Variants in DNAH14 observed in about 807,000 individuals in gnomAD.
The protein encoded by DNAH14 is dynein axonemal heavy chain 14, also known as axonemal beta dynein heavy chain 14.
DNAH14 carries 478 observed loss-of-function variants against 520.9 expected under a neutral mutation model. That is an observed-to-expected ratio of 0.92 (90% CI 0.85 to 0.99). The LOEUF (loss-of-function observed/expected upper bound fraction) is 0.99, where lower values mean the gene tolerates loss of function less well. Ranked by LOEUF, DNAH14 falls within the 50% of genes least tolerant of loss-of-function variation. DNAH14 has a pLI of 0.00. For synonymous variants in DNAH14, 1,581 were observed against 1,757.2 expected, an observed-to-expected ratio of 0.90 and a Z score of 2.51; for missense variants, 4,831 against 5,234.5, an observed-to-expected ratio of 0.92 and a Z score of 2.38.
Position 225,240,616 on chromosome 1 carries a change from A to T in DNAH14, c.6542A>T (p.Glu2181Val). 6.5e-7 allele frequency: 1 copy of T among 1,550,028 alleles called. No homozygotes were observed. The highest frequency in any genetic ancestry group is 8.7e-7 in the Non-Finnish European group (1 of 1,145,910). The change falls in exon 43 of 86, where the codon GAG becomes GTG. Residue 2181 changes from glutamate (E) to valine (V), a missense_variant. By Grantham distance (121) the Glu-to-Val change is moderately radical. Transcript: ENST00000682510. ...EKRDENTWYP[E>V]KNPDKLTKII... The stretch of plus-strand genomic sequence containing the variant: ...AGGGATGAAAATACATGGTATCCAG[A>T]GAAAAATCCTGATAAATTAACAAAA...
At chr1:225,061,515 A>G (rs2070105049) in intron 17 of DNAH14, among the ~76,000 whole-genome samples, 1 of 152,196 alleles carries the variant, frequency 6.6e-6, no homozygotes, top group Non-Finnish European at 1.5e-5. Flanking sequence ...CGCAGCACCC[A>G]CTGTCCTGCA....
At chr1:225,215,810 C>A (rs999374741) in intron 41 of DNAH14, among the ~76,000 whole-genome samples, 1 of 152,092 alleles carries the variant, frequency 6.6e-6, no homozygotes, top group Non-Finnish European at 1.5e-5. Flanking sequence ...AGATGGGTAT[C>A]CTGAATACAG....
intron 42 of DNAH14, among the ~76,000 whole-genome samples, chr1:225,235,158 T>A (rs1158836451): frequency 6.6e-6 from 1 of 152,192 alleles, no homozygotes; most frequent in Non-Finnish European, 1.5e-5. Context: ...TTTTGCCCAT[T>A]CAGTATGATA....
At chr1:224,966,188 A>G (rs2061158570) in intron 5 of DNAH14, among the ~76,000 whole-genome samples, 1 of 152,048 alleles carries the variant, frequency 6.6e-6, no homozygotes, top group Non-Finnish European at 1.5e-5. Context: ...CTTGTTTTTG[A>G]GGATTTAATA....
chr1:224,993,608 A>G (rs1307324665), intron 8 of DNAH14, among the ~76,000 whole-genome samples: 2 of 150,648 alleles, frequency 1.3e-5, no homozygotes, highest in Non-Finnish European at 3.0e-5. Context: ...AGATTTGTCA[A>G]TTTTATCTTT....
At chr1:224,963,043 A>G (rs1308803422) in intron 4 of DNAH14, among the ~76,000 whole-genome samples, 2 of 152,076 alleles carry the variant, frequency 1.3e-5, no homozygotes, top group African/African-American at 2.4e-5. Flanking sequence ...CAATTCCCTG[A>G]TTACTAATGA....
chr1:225,322,116 T>C (rs1221784689), intron 61 of DNAH14, among the ~76,000 whole-genome samples: 1 of 115,990 alleles, frequency 8.6e-6, no homozygotes, highest in East Asian at 3.2e-4. Context: ...TTTGAGACAG[T>C]GTCTCACTTT....
At chr1:225,390,863 G>T (rs1271337364) in intron 83 of DNAH14, among the ~76,000 whole-genome samples, 1 of 151,934 alleles carries the variant, frequency 6.6e-6, no homozygotes, top group East Asian at 1.9e-4. Context: ...TAAGAAATTT[G>T]CCCCAAGTCA....
chr1:224,980,657 G>A (rs2062198844), intron 8 of DNAH14, among the ~76,000 whole-genome samples: 1 of 152,182 alleles, frequency 6.6e-6, no homozygotes, highest in Non-Finnish European at 1.5e-5. Flanking sequence ...CCAGGTAGTG[G>A]TTACAAGGCT....
chr1:225,343,771 A>C (rs1480367049), intron 69 of DNAH14, among the ~76,000 whole-genome samples: 2 of 139,510 alleles, frequency 1.4e-5, no homozygotes, highest in Non-Finnish European at 3.1e-5. Context: ...AATTACATGG[A>C]CAAGGCTTCT....
chr1:225,177,844 G>A (rs2083497996), intron 36 of DNAH14, among the ~76,000 whole-genome samples: 1 of 152,158 alleles, frequency 6.6e-6, no homozygotes, highest in Non-Finnish European at 1.5e-5. Flanking sequence ...TGGGGTTGAA[G>A]CCCCCACACA....
At chr1:225,360,583 C>A in intron 74 of DNAH14, 98 bp from the exon 75 acceptor site, 3 of 1,168,032 alleles carry the variant, frequency 2.6e-6, no homozygotes, top group Non-Finnish European at 3.6e-6. Context: ...TATGACTATA[C>A]CTTTTCCCAA....
At chr1:225,148,488 G>A (rs1215880715) in intron 31 of DNAH14, among the ~76,000 whole-genome samples, 2 of 134,618 alleles carry the variant, frequency 1.5e-5, no homozygotes, top group Non-Finnish European at 1.5e-5. Flanking sequence ...TGCAGCCTCC[G>A]CCTCCCGGGT....
Position 225,360,476 on chromosome 1 carries a change from G to A in DNAH14, c.11777-205G>A, listed in dbSNP as rs6693605. 5.9e-4 allele frequency among the ~76,000 whole-genome samples: 90 copies of A among 152,314 alleles called. 1 individual carries two copies. Among genetic ancestry groups the A allele is most frequent in the African/African-American group, 1.9e-3 (79 of 41,562 alleles). On this transcript the variant is annotated intron_variant, in intron 74 of 85. Transcript: ENST00000682510. ...AAGACAACCAGCAGGTGCTGCTGTC[G>A]TTAGATATTGTTATCATCCTCGTGT...
chr1:225,219,338 G>C (rs2089790386), intron 41 of DNAH14, among the ~76,000 whole-genome samples: 1 of 151,142 alleles, frequency 6.6e-6, no homozygotes, highest in Admixed American at 6.6e-5. Context: ...GAAGGAAATA[G>C]AGACAGGAGA....
At chr1:225,114,945 C>A (rs559253287) in intron 23 of DNAH14, among the ~76,000 whole-genome samples, 45 of 152,264 alleles carry the variant, frequency 3.0e-4, no homozygotes, top group African/African-American at 1.0e-3. Flanking sequence ...ACTATGAATG[C>A]TTACCTTTGT....
chr1:225,068,312 T>G (rs1382354659), intron 17 of DNAH14, among the ~76,000 whole-genome samples: 2 of 152,174 alleles, frequency 1.3e-5, no homozygotes, highest in African/African-American at 2.4e-5. Context: ...TCTATGTGCC[T>G]TTTCTTGTAC....
At chr1:225,359,750 G>A (rs889054566) in intron 74 of DNAH14, among the ~76,000 whole-genome samples, 6 of 152,160 alleles carry the variant, frequency 3.9e-5, no homozygotes, top group Admixed American at 2.0e-4. Context: ...TCATATTCAC[G>A]TTCCAAACAA....
intron 37 of DNAH14, among the ~76,000 whole-genome samples, chr1:225,191,532 T>C (rs983999748): frequency 6.6e-6 from 1 of 152,044 alleles, no homozygotes; most frequent in African/African-American, 2.4e-5. Flanking sequence ...AATGTGTGGA[T>C]CTCTTTGTGT....
Sources: gnomAD v4.1 joint callset for allele counts (sites outside exome capture counted in the v4.1 genomes callset) on GRCh38, gnomAD v4.1.1 for gene constraint, MANE v1.5 for transcripts, NCBI Gene and HGNC (gene_info 2026-07-23, HGNC 2026-07-21) for gene names.